CSRNP3: variants seen among roughly 807,000 people sequenced by gnomAD.
CSRNP3 encodes cysteine/serine-rich nuclear protein 3.
In CSRNP3, 12 loss-of-function variants were observed where a neutral mutation model predicts 48.0. The ratio of observed to expected loss-of-function variants is 0.25; its 90% CI spans 0.16 to 0.41. The LOEUF is 0.41. Ranked by LOEUF, CSRNP3 falls within the 10% of genes least tolerant of loss-of-function variation. The pLI, the probability that CSRNP3 is intolerant of heterozygous loss-of-function variation, is 1.00. For missense variants in CSRNP3, 580 were observed against 724.4 expected (o/e 0.80, Z 2.29); for synonymous variants, 263 against 269.7 (o/e 0.98, Z 0.24).
chr2:165,488,652 C>G (rs1323756345), intron 1 of CSRNP3, among the ~76,000 whole-genome samples: 1 of 131,398 alleles, frequency 7.6e-6, no homozygotes, highest in Non-Finnish European at 1.6e-5. Flanking sequence ...TCACTCAAAG[C>G]CGCTCAACTA....
In CSRNP3 at chr2:165,657,787, C is replaced by T. The variant is rs560723927; in HGVS notation, c.175C>T (p.Arg59Ter). 3 of 1,613,826 alleles carry T rather than the reference C, an allele frequency of 1.9e-6. No homozygotes were observed. The highest frequency in any genetic ancestry group is 2.2e-5 in the East Asian group (1 of 44,850). ...TPSSILKREK[R>*]LRTKNVHFSC... ...TTCCTCCATTCTCAAAAGGGAGAAA[C>T]GACTGAGGACAAAGAATGTACATTT... The change falls in exon 5 of 7, where the codon CGA becomes TGA. Residue 59 changes from arginine to a stop codon, truncating the protein, a stop_gained. Transcript: ENST00000651982. LOFTEE classifies it high-confidence loss of function.
At chr2:165,599,251 A>G (rs1235615719) in intron 4 of CSRNP3, among the ~76,000 whole-genome samples, 1 of 145,498 alleles carries the variant, frequency 6.9e-6, no homozygotes, top group Non-Finnish European at 1.5e-5. Context: ...AAAAAACAAA[A>G]AGAAAGAAAG....
intron 3 of CSRNP3, among the ~76,000 whole-genome samples, chr2:165,572,008 A>G (rs1015701449): frequency 1.3e-5 from 2 of 152,204 alleles, no homozygotes; most frequent in Non-Finnish European, 2.9e-5. Context: ...AGGCTCTTTA[A>G]TAACATTTGT....
At chr2:165,559,213 G>T (rs1685199154) in intron 3 of CSRNP3, among the ~76,000 whole-genome samples, 1 of 152,082 alleles carries the variant, frequency 6.6e-6, no homozygotes, top group African/African-American at 2.4e-5. Context: ...TTGGTTCATT[G>T]CTACTTTGCC....
At chr2:165,604,528 T>C (rs572283910) in intron 4 of CSRNP3, among the ~76,000 whole-genome samples, 1 of 152,216 alleles carries the variant, frequency 6.6e-6, no homozygotes, top group East Asian at 1.9e-4. Context: ...GGATCCTGAT[T>C]TATTACTTAT....
chr2:165,600,989 C>T (rs1192799395), intron 4 of CSRNP3, among the ~76,000 whole-genome samples: 2 of 152,200 alleles, frequency 1.3e-5, no homozygotes, highest in South Asian at 2.1e-4. Flanking sequence ...ATTTGTAGCA[C>T]ACCACATTAT....
At chr2:165,673,155 T>TTTC (rs367832445) in intron 5 of CSRNP3, among the ~76,000 whole-genome samples, 1 of 144,018 alleles carries the variant, frequency 6.9e-6, no homozygotes, top group African/African-American at 2.7e-5. Flanking sequence ...TTTTTTTTTT[T>TTTC]GAGACAGGGC....
intron 2 of CSRNP3, among the ~76,000 whole-genome samples, chr2:165,510,187 T>G (rs1325909075): frequency 1.3e-5 from 2 of 152,126 alleles, no homozygotes; most frequent in African/African-American, 4.8e-5. Context: ...CACGCTCTGT[T>G]TTTTTGAAAT....
At chr2:165,547,489 G>A (rs892526092) in intron 3 of CSRNP3, among the ~76,000 whole-genome samples, 4 of 151,980 alleles carry the variant, frequency 2.6e-5, no homozygotes, top group African/African-American at 4.8e-5. Context: ...TTGTTTAATT[G>A]ATATCTCTGG....
chr2:165,531,886 G>C (rs1379005168), intron 3 of CSRNP3, among the ~76,000 whole-genome samples: 2 of 151,942 alleles, frequency 1.3e-5, no homozygotes. Flanking sequence ...TATCACCACC[G>C]ATCCCACAGA....
intron 4 of CSRNP3, among the ~76,000 whole-genome samples, chr2:165,633,963 T>G (rs1686585049): frequency 6.6e-6 from 1 of 152,212 alleles, no homozygotes. Context: ...TCATTGGGTT[T>G]TCATAACACT....
At chr2:165,479,677 G>A (rs769915536) in intron 1 of CSRNP3, among the ~76,000 whole-genome samples, 3 of 152,086 alleles carry the variant, frequency 2.0e-5, no homozygotes, top group Admixed American at 6.5e-5. Flanking sequence ...TTGAGCTCAG[G>A]AGTTCAAGAT....
At chr2:165,484,477 C>A (rs1002693508) in intron 1 of CSRNP3, among the ~76,000 whole-genome samples, 1 of 152,128 alleles carries the variant, frequency 6.6e-6, no homozygotes, top group African/African-American at 2.4e-5. Context: ...CTAACGTACA[C>A]AACAAATACA....
chr2:165,486,291 C>A (rs1460374682), intron 1 of CSRNP3, among the ~76,000 whole-genome samples: 1 of 152,202 alleles, frequency 6.6e-6, no homozygotes, highest in South Asian at 2.1e-4. Context: ...CTCGGAGGGT[C>A]CTACGCCCAC....
At chr2:165,579,899 T>C (rs972814271) in intron 3 of CSRNP3, among the ~76,000 whole-genome samples, 1 of 150,288 alleles carries the variant, frequency 6.7e-6, no homozygotes, top group African/African-American at 2.4e-5. Flanking sequence ...TCAGAGTAGA[T>C]TGCAGGAATA....
chr2:165,583,655 T>A (rs905128351), intron 3 of CSRNP3, among the ~76,000 whole-genome samples: 2 of 152,220 alleles, frequency 1.3e-5, no homozygotes, highest in African/African-American at 4.8e-5. Flanking sequence ...TAGATCTATT[T>A]AAGTCCTCTT....
chr2:165,638,496 A>G (rs1686670897), intron 4 of CSRNP3, among the ~76,000 whole-genome samples: 2 of 152,140 alleles, frequency 1.3e-5, no homozygotes, highest in South Asian at 2.1e-4. Context: ...ATTTCTGATT[A>G]TATCCTTACT....
intron 3 of CSRNP3, among the ~76,000 whole-genome samples, chr2:165,569,620 A>C (rs1419681617): frequency 1.3e-5 from 2 of 151,982 alleles, no homozygotes; most frequent in Non-Finnish European, 2.9e-5. Context: ...CTTGGATGGA[A>C]TTTGCTTCTT....
Position 165,528,908 on chromosome 2 carries a change from G to A in CSRNP3, c.-24+10947G>A, listed in dbSNP as rs117377790. On this transcript the variant is annotated intron_variant, in intron 3 of 6. Transcript: ENST00000651982. Reference sequence around the variant, plus strand: ...TTCCAAGCTGGGGCAGGAGCTCCCCGGGTGCCACTGTAGCCACCCAAGCCA... The same window carrying A: ...TTCCAAGCTGGGGCAGGAGCTCCCCAGGTGCCACTGTAGCCACCCAAGCCA... Among the ~76,000 whole-genome samples the A allele has an allele frequency of 1.9e-3, 296 of 152,212 alleles. 3 individuals carry two copies. Among genetic ancestry groups the A allele is most frequent in the East Asian group, 0.019 (97 of 5,152 alleles).
Sources: gnomAD v4.1 joint callset for allele counts (sites outside exome capture counted in the v4.1 genomes callset) on GRCh38, gnomAD v4.1.1 for gene constraint, MANE v1.5 for transcripts, NCBI Gene and HGNC (gene_info 2026-07-23, HGNC 2026-07-21) for gene names.